Variants in MEF2B observed in about 807,000 individuals in gnomAD.
MEF2B encodes the protein myocyte enhancer factor 2B, also known as myocyte-specific enhancer factor 2B.
In MEF2B, 15 loss-of-function variants were observed where a neutral mutation model predicts 32.2. The ratio of observed to expected loss-of-function variants is 0.47; its 90% CI spans 0.31 to 0.72. The LOEUF is 0.72. Among genes scored for constraint, MEF2B ranks in the 30% least tolerant of loss-of-function variants. MEF2B has a pLI of 0.05. For missense variants in MEF2B, 441 were observed against 511.5 expected (o/e 0.86, Z 1.33); for synonymous variants, 205 against 225.6 (o/e 0.91, Z 0.82).
chr19:19,150,641 G>A, intron 2 of MEF2B, 41 bp downstream of exon 2: 1 of 1,613,384 alleles, frequency 6.2e-7, no homozygotes, highest in Non-Finnish European at 8.5e-7. Context: ...CCCCCTGCTA[G>A]GAATGTCTTT....
chr19:19,150,198 A>G (rs1305940354), intron 2 of MEF2B, among the ~76,000 whole-genome samples: 3 of 124,312 alleles, frequency 2.4e-5, no homozygotes, highest in Non-Finnish European at 3.4e-5. Flanking sequence ...GAAGGAAGGA[A>G]GGAAGGAAGG....
At chr19:19,151,655 A>G (rs2060081169) in intron 1 of MEF2B, among the ~76,000 whole-genome samples, 1 of 152,158 alleles carries the variant, frequency 6.6e-6, no homozygotes, top group Non-Finnish European at 1.5e-5. Context: ...GGCTTCAGGC[A>G]AGGGGCCTCT....
intron 1 of MEF2B, among the ~76,000 whole-genome samples, chr19:19,164,533 G>C (rs749749703): frequency 2.4e-4 from 37 of 152,242 alleles, no homozygotes; most frequent in Non-Finnish European, 5.0e-4. Context: ...CCTGTTCCAG[G>C]CCGGGTGCGG....
At chr19:19,165,965 A>G (rs1450307954) in intron 1 of MEF2B, among the ~76,000 whole-genome samples, 2 of 152,076 alleles carry the variant, frequency 1.3e-5, no homozygotes, top group African/African-American at 2.4e-5. Context: ...AAACACCTCC[A>G]CTTGGTCACA....
At chr19:19,163,199 G>A (rs1346451602) in intron 1 of MEF2B, among the ~76,000 whole-genome samples, 2 of 151,864 alleles carry the variant, frequency 1.3e-5, no homozygotes, top group Non-Finnish European at 2.9e-5. Context: ...TCTGTCACCC[G>A]GGCTGGAGTG....
chr19:19,164,736 C>T (rs1218089523), intron 1 of MEF2B, among the ~76,000 whole-genome samples: 1 of 152,170 alleles, frequency 6.6e-6, no homozygotes, highest in Non-Finnish European at 1.5e-5. Context: ...ATCACTTGAA[C>T]CCAGGAGTCA....
chr19:19,169,674 C>T (rs1025514173), intron 1 of MEF2B, among the ~76,000 whole-genome samples: 10 of 152,184 alleles, frequency 6.6e-5, no homozygotes, highest in Admixed American at 3.9e-4. Context: ...GGATGTGACT[C>T]TTGTTCCTGT....
intron 1 of MEF2B, among the ~76,000 whole-genome samples, chr19:19,164,982 A>C (rs1244033858): frequency 1.3e-5 from 2 of 152,126 alleles, no homozygotes; most frequent in African/African-American, 4.8e-5. Context: ...GGAAATTAGC[A>C]CATCTGTCAG....
At chr19:19,161,884 T>G (rs1167358039) in intron 1 of MEF2B, among the ~76,000 whole-genome samples, 1 of 151,604 alleles carries the variant, frequency 6.6e-6, no homozygotes, top group Non-Finnish European at 1.5e-5. Flanking sequence ...CTCTGCTCCC[T>G]GCAACCCCTG....
At chr19:19,160,015 C>T (rs901784232) in intron 1 of MEF2B, among the ~76,000 whole-genome samples, 1 of 147,986 alleles carries the variant, frequency 6.8e-6, no homozygotes, top group Non-Finnish European at 1.5e-5. Flanking sequence ...GTTGCCCAGG[C>T]TGGAGTGCAG....
chr19:19,168,950 G>A (rs2060231321), intron 1 of MEF2B, among the ~76,000 whole-genome samples: 1 of 152,070 alleles, frequency 6.6e-6, no homozygotes, highest in Non-Finnish European at 1.5e-5. Context: ...TCGGGAGGCT[G>A]AGGCAGAAAA....
At chr19:19,149,478 T>C (rs1599721087) in intron 2 of MEF2B, 49 bp from the exon 3 acceptor site, 2 of 1,609,808 alleles carry the variant, frequency 1.2e-6, no homozygotes, top group East Asian at 4.5e-5. Context: ...AAGAGATGAA[T>C]GTGGGGTGGT....
chr19:19,146,938 G>A, intron 5 of MEF2B, 63 bp from the exon 6 acceptor site: 1 of 1,578,114 alleles, frequency 6.3e-7, no homozygotes, highest in South Asian at 1.2e-5. Flanking sequence ...TGAAGTCTGA[G>A]GTTTAGAGGT....
chr19:19,168,102 A>G (rs2060223778), intron 1 of MEF2B, among the ~76,000 whole-genome samples: 2 of 152,082 alleles, frequency 1.3e-5, no homozygotes, highest in East Asian at 3.8e-4. Flanking sequence ...GTCCTCACAC[A>G]CTGGTTCTCC....
At chr19:19,161,825 TGA>T (rs2060166241) in intron 1 of MEF2B, among the ~76,000 whole-genome samples, 3 of 150,592 alleles carry the variant, frequency 2.0e-5, no homozygotes, top group African/African-American at 4.9e-5. Flanking sequence ...TTTTTTTTTG[TGA>T]GACAGAGTCT....
Position 19,145,644 on chromosome 19 carries a change from T to C in MEF2B, c.*153A>G. ...GAAGAAGGAAAGGAGCCCCCCAGGG[T>C]GGATTGAGTCCAGCCGCCCACCTCC... On this transcript the variant is annotated 3_prime_UTR_variant, in exon 9 of 9. Transcript: ENST00000424583. This position sits in a 1 kb window ranked among gnomAD's most constrained non-coding sequence, Gnocchi z 4.6. 6.6e-7 allele frequency: 1 copy of C among 1,509,004 alleles called. No homozygotes were observed. Among genetic ancestry groups the C allele is most frequent in the South Asian group, 1.2e-5 (1 of 81,128 alleles). 93.5% of individuals were successfully genotyped at this position (1,509,004 alleles called of 1,614,324 possible).
chr19:19,165,033 A>C (rs886335321), intron 1 of MEF2B, among the ~76,000 whole-genome samples: 3 of 152,096 alleles, frequency 2.0e-5, no homozygotes, highest in African/African-American at 7.2e-5. Flanking sequence ...CGGCAGCCCG[A>C]AGATGCAGCC....
rs147061109 is a variant in MEF2B, at chr19:19,147,797, T to C, written c.294A>G (p.Pro98=). Residue 98 remains proline (P), a synonymous_variant, in exon 4 of 9, where the codon CCA becomes CCG. Transcript: ENST00000424583. ...LKRRGIGLDG[P]ELEPDEGPEE... ...CAGGCCCTTCATCCGGCTCCAGCTC[T>C]GGCCCATCGAGGCCAATGCCCCTCC... 20 of 1,613,628 alleles carry C rather than the reference T, an allele frequency of 1.2e-5. No individual in the cohort carries two copies. Among genetic ancestry groups the C allele is most frequent in the East Asian group, 2.2e-5 (1 of 44,900 alleles).
At chr19:19,168,682 C>T (rs952327541) in intron 1 of MEF2B, among the ~76,000 whole-genome samples, 12 of 151,982 alleles carry the variant, frequency 7.9e-5, no homozygotes, top group East Asian at 1.9e-4. Context: ...CAGACTCGAA[C>T]TCCTCGGATC....
Sources: gnomAD v4.1 joint callset for allele counts (sites outside exome capture counted in the v4.1 genomes callset) on GRCh38, gnomAD v4.1.1 for gene constraint, Gnocchi (gnomAD v3.1) non-coding constraint, MANE v1.5 for transcripts, NCBI Gene and HGNC (gene_info 2026-07-23, HGNC 2026-07-21) for gene names.